SOS1: variants seen among roughly 807,000 people sequenced by gnomAD.
SOS1 encodes SOS Ras/Rac guanine nucleotide exchange factor 1, also known as son of sevenless homolog 1.
A neutral mutation model predicts 157.6 loss-of-function variants in SOS1; 25 were observed. The observed-to-expected ratio is 0.16, with a 90% confidence interval of 0.12 to 0.22. The LOEUF (loss-of-function observed/expected upper bound fraction) is 0.22. Among genes scored for constraint, SOS1 ranks in the 10% least tolerant of loss-of-function variants. The pLI is 1.00. For synonymous variants in SOS1, 528 were observed against 534.0 expected (o/e 0.99, Z 0.16); for missense variants, 1,237 against 1,599.1 (o/e 0.77, Z 3.86).
At chr2:39,048,383 T>C (rs561371275) in intron 6 of SOS1, among the ~76,000 whole-genome samples, 1 of 152,278 alleles carries the variant, frequency 6.6e-6, no homozygotes, top group African/African-American at 2.4e-5. Flanking sequence ...ATATTTTGTC[T>C]TAACAGCTTT....
intron 2 of SOS1, among the ~76,000 whole-genome samples, chr2:39,059,602 C>A (rs1222967995): frequency 1.3e-5 from 2 of 152,030 alleles, no homozygotes; most frequent in Admixed American, 6.5e-5. Context: ...AATGAGTATT[C>A]AACTAGTATG....
intron 19 of SOS1, 49 bp downstream of exon 19, chr2:38,996,872 TA>T (rs781177800): frequency 1.1e-6 from 1 of 926,896 alleles, no homozygotes; most frequent in South Asian, 1.3e-5. Context: ...GAAAACTATA[TA>T]ACACATATGG....
intron 1 of SOS1, among the ~76,000 whole-genome samples, chr2:39,115,406 C>T (rs12476768): frequency 0.024 from 1,512 of 63,970 alleles, 61 homozygotes; most frequent in East Asian, 0.15. Flanking sequence ...TGTTCTCTCT[C>T]TTTTTTTTTT....
chr2:38,993,514 C>G (rs6752850), intron 20 of SOS1: 1 of 152,162 alleles, frequency 6.6e-6, no homozygotes, highest in African/African-American at 2.4e-5. Flanking sequence ...TAACTACAGA[C>G]GTATGTATAC....
intron 6 of SOS1, among the ~76,000 whole-genome samples, chr2:39,047,302 G>A (rs568783788): frequency 6.6e-6 from 1 of 152,212 alleles, no homozygotes; most frequent in African/African-American, 2.4e-5. Context: ...TATCCCTTAT[G>A]AATAAACCTA....
Position 38,987,526 on chromosome 2 carries a change from C to G in SOS1, c.3457G>C (p.Val1153Leu), listed in dbSNP as rs1558455787. Residue 1153 changes from valine (V) to leucine (L), a missense_variant, in exon 22 of 23, where the codon GTT (valine) becomes CTT (leucine). Transcript: ENST00000402219. Reference sequence around the variant, plus strand: ...GATTCTGGTCGTCTTCGTGGAGGAACAGGAGGAGGGACAGGCACTTCATCA... The same window carrying G: ...GATTCTGGTCGTCTTCGTGGAGGAAGAGGAGGAGGGACAGGCACTTCATCA... ...GTDEVPVPPP[V>L]PPRRRPESAP... 2 of 1,606,510 alleles carry G rather than the reference C, an allele frequency of 1.2e-6. No individual in the cohort carries two copies. Among genetic ancestry groups the G allele is most frequent in the Non-Finnish European group, 1.7e-6 (2 of 1,174,956 alleles).
chr2:39,081,024 A>G (rs1315065911), intron 1 of SOS1, among the ~76,000 whole-genome samples: 2 of 150,724 alleles, frequency 1.3e-5, no homozygotes, highest in Non-Finnish European at 3.0e-5. Context: ...TGTCTCTCCA[A>G]AAAAAAAATA....
chr2:39,107,989 C>A (rs1673266394), intron 1 of SOS1, among the ~76,000 whole-genome samples: 1 of 152,194 alleles, frequency 6.6e-6, no homozygotes, highest in Non-Finnish European at 1.5e-5. Context: ...TCACAATTCT[C>A]TCACAGCCCT....
In SOS1 at chr2:39,120,436, C is replaced by A. The variant is rs1029753671; in HGVS notation, c.-14G>T. 3 of 1,570,384 alleles carry A rather than the reference C, an allele frequency of 1.9e-6. No homozygotes were observed. In the African/African-American group the frequency reaches 4.2e-5, roughly 22 times the overall value. ...CTGCGCCTGCATGGTGCCCCCGGGG[C>A]GCCTCTGGGCGGGGAGAGGGGCGGC... On this transcript the variant is annotated 5_prime_UTR_variant, in exon 1 of 23. Transcript: ENST00000402219.
At chr2:39,116,701 A>C (rs187151131) in intron 1 of SOS1, among the ~76,000 whole-genome samples, 1 of 152,274 alleles carries the variant, frequency 6.6e-6, no homozygotes, top group African/African-American at 2.4e-5. Flanking sequence ...TCTCTACAAA[A>C]AATACAAAAA....
rs897162913 is a variant in SOS1, at chr2:39,120,198, C to T, written c.87+138G>A. ...AGCCAGCCGTATGAGGGGGGCCTCT[C>T]CGTGTGCGCCGTCCTTTTGGAGACG... On this transcript the variant is annotated intron_variant, in intron 1 of 22. Coordinates refer to ENST00000402219, the MANE Select transcript of SOS1 (RefSeq NM_005633.4). The T allele has an allele frequency of 4.2e-6, 3 of 715,646 alleles. No homozygotes were observed. In the African/African-American group the frequency reaches 5.7e-5, roughly 13 times the overall value. The allele number at this position is 715,646 out of a possible 1,614,324, so 44.3% of individuals were successfully genotyped here.
chr2:39,049,194 A>C (rs1670908669), intron 6 of SOS1, among the ~76,000 whole-genome samples: 1 of 152,230 alleles, frequency 6.6e-6, no homozygotes, highest in African/African-American at 2.4e-5. Flanking sequence ...CTGGGATTAC[A>C]GGCGTGAGCC....
At chr2:39,053,945 T>A (rs1254199431) in intron 5 of SOS1, among the ~76,000 whole-genome samples, 1 of 151,960 alleles carries the variant, frequency 6.6e-6, no homozygotes, top group East Asian at 1.9e-4. Flanking sequence ...TTTTTTCTTC[T>A]GAGACGGAGT....
chr2:39,079,837 T>C (rs1672140233), intron 1 of SOS1, among the ~76,000 whole-genome samples: 1 of 152,106 alleles, frequency 6.6e-6, no homozygotes, highest in African/African-American at 2.4e-5. Context: ...ACATACATGT[T>C]CATTTCATTA....
chr2:39,053,656 T>A (rs1281427174), intron 5 of SOS1, among the ~76,000 whole-genome samples: 1 of 152,204 alleles, frequency 6.6e-6, no homozygotes, highest in African/African-American at 2.4e-5. Context: ...CATTTATGGC[T>A]GTGTGGCTAC....
chr2:39,035,870 T>C (rs1452919158), intron 6 of SOS1, among the ~76,000 whole-genome samples: 1 of 152,114 alleles, frequency 6.6e-6, no homozygotes, highest in Non-Finnish European at 1.5e-5. Context: ...GTATAAACAT[T>C]TAGAATACTG....
intron 6 of SOS1, among the ~76,000 whole-genome samples, chr2:39,039,599 T>C (rs188145979): frequency 5.3e-5 from 8 of 152,372 alleles, no homozygotes; most frequent in Admixed American, 5.2e-4. Context: ...TGTTTATTAA[T>C]AGCTTTTGAC....
chr2:39,041,614 G>C (rs189153004), intron 6 of SOS1, among the ~76,000 whole-genome samples: 1 of 152,200 alleles, frequency 6.6e-6, no homozygotes. Context: ...TGAAGATTCA[G>C]ACCTGTTTTC....
At chr2:39,115,422 T>A (rs1367145754) in intron 1 of SOS1, among the ~76,000 whole-genome samples, 2 of 146,092 alleles carry the variant, frequency 1.4e-5, no homozygotes, top group Admixed American at 1.4e-4. Flanking sequence ...TTTTTTTTTT[T>A]TTTTTTTTTT....
Sources: allele counts gnomAD v4.1 joint callset (sites outside exome capture counted in the v4.1 genomes callset), GRCh38; gene constraint gnomAD v4.1.1; transcripts MANE v1.5; gene names NCBI Gene and HGNC (gene_info 2026-07-23, HGNC 2026-07-21).